DLGAP2: variants seen among roughly 807,000 people sequenced by gnomAD.
The protein encoded by DLGAP2 is DLG associated protein 2, also known as disks large-associated protein 2.
DLGAP2 carries 26 observed loss-of-function variants against 100.3 expected under a neutral mutation model. The observed-to-expected ratio is 0.26, with a 90% CI of 0.19 to 0.36. The LOEUF is 0.36. Among genes scored for constraint, DLGAP2 ranks in the 10% least tolerant of loss-of-function variants. The pLI, the probability that DLGAP2 is intolerant of heterozygous loss-of-function variation, is 1.00. For missense variants in DLGAP2, 1,858 were observed against 1,453.2 expected (o/e 1.28, Z -4.53); for synonymous variants, 886 against 630.1 (o/e 1.41, Z -6.08).
intron 3 of DLGAP2, among the ~76,000 whole-genome samples, chr8:1,359,544 T>G (rs150424763): frequency 6.6e-6 from 1 of 152,240 alleles, no homozygotes; most frequent in African/African-American, 2.4e-5. Flanking sequence ...CCCGAAGGCC[T>G]GGAGGGATTT....
At chr8:1,602,111 T>C (rs1796646745) in intron 6 of DLGAP2, among the ~76,000 whole-genome samples, 1 of 152,140 alleles carries the variant, frequency 6.6e-6, no homozygotes, top group Admixed American at 6.5e-5. Context: ...TTGTCAAATA[T>C]GTGAATGAGA....
At chr8:1,294,672 T>C (rs917777884) in intron 3 of DLGAP2, among the ~76,000 whole-genome samples, 2 of 152,150 alleles carry the variant, frequency 1.3e-5, no homozygotes, top group Admixed American at 1.3e-4. Flanking sequence ...AGCCATCCCA[T>C]TGAAATAATG....
chr8:1,113,877 A>G (rs187575374), intron 2 of DLGAP2, among the ~76,000 whole-genome samples: 101 of 152,216 alleles, frequency 6.6e-4, no homozygotes, highest in Non-Finnish European at 1.3e-3. Context: ...TTCCTTCAAT[A>G]CCTAGTATAT....
At chr8:1,119,874 C>T in intron 2 of DLGAP2, among the ~76,000 whole-genome samples, 1 of 152,112 alleles carries the variant, frequency 6.6e-6, no homozygotes, top group Non-Finnish European at 1.5e-5. Flanking sequence ...GGGTCCAGCA[C>T]CCTAGCTTAT....
chr8:946,720 G>A (rs577898466), intron 2 of DLGAP2, among the ~76,000 whole-genome samples: 1 of 152,196 alleles, frequency 6.6e-6, no homozygotes, highest in Non-Finnish European at 1.5e-5. Context: ...TTATCACTCT[G>A]AGTGTCAGGA....
intron 4 of DLGAP2, among the ~76,000 whole-genome samples, chr8:1,533,047 C>T (rs764735649): frequency 6.6e-6 from 1 of 150,510 alleles, no homozygotes; most frequent in Non-Finnish European, 1.5e-5. Flanking sequence ...AATCATAGGC[C>T]TGATTTATAG....
intron 2 of DLGAP2, among the ~76,000 whole-genome samples, chr8:1,204,552 G>A (rs1299476504): frequency 7.4e-5 from 11 of 148,940 alleles, no homozygotes; most frequent in Admixed American, 1.3e-4. Flanking sequence ...GTGTGTGTGT[G>A]TATATGTCTA....
intron 6 of DLGAP2, among the ~76,000 whole-genome samples, chr8:1,608,978 C>T (rs1796911493): frequency 6.6e-6 from 1 of 151,690 alleles, no homozygotes. Context: ...AGGATATTAT[C>T]CAGGAGAACT....
At chr8:1,187,004 C>G (rs771039842) in intron 2 of DLGAP2, among the ~76,000 whole-genome samples, 3 of 152,146 alleles carry the variant, frequency 2.0e-5, no homozygotes, top group Non-Finnish European at 4.4e-5. Context: ...AATCTAAGCC[C>G]GGCCTCAGTG....
intron 3 of DLGAP2, among the ~76,000 whole-genome samples, chr8:1,500,646 T>A (rs1799689851): frequency 6.6e-6 from 1 of 152,256 alleles, no homozygotes; most frequent in Non-Finnish European, 1.5e-5. Context: ...CTTGTCTGTC[T>A]CCCCAGTTCC....
intron 3 of DLGAP2, among the ~76,000 whole-genome samples, chr8:1,489,685 G>C (rs898878111): frequency 1.3e-5 from 2 of 152,162 alleles, no homozygotes; most frequent in Non-Finnish European, 2.9e-5. Context: ...AGAGCCCATC[G>C]CTGTGAGCAT....
chr8:1,191,328 G>T (rs551572745), intron 2 of DLGAP2, among the ~76,000 whole-genome samples: 1 of 151,806 alleles, frequency 6.6e-6, no homozygotes, highest in Non-Finnish European at 1.5e-5. Flanking sequence ...CCGCCACCAC[G>T]CCCGGCTAAT....
chr8:1,350,184 C>A (rs73170483), intron 3 of DLGAP2, among the ~76,000 whole-genome samples: 6 of 140,868 alleles, frequency 4.3e-5, no homozygotes, highest in East Asian at 2.5e-4. Flanking sequence ...GTGGAAAGGC[C>A]GCGCGGGTCC....
At chr8:901,900 A>G (rs529434844) in intron 1 of DLGAP2, among the ~76,000 whole-genome samples, 1 of 152,304 alleles carries the variant, frequency 6.6e-6, no homozygotes, top group African/African-American at 2.4e-5. Flanking sequence ...GCTTCGCTGG[A>G]CATCTGTGGC....
intron 3 of DLGAP2, among the ~76,000 whole-genome samples, chr8:1,409,472 G>C (rs1302093834): frequency 6.6e-6 from 1 of 152,198 alleles, no homozygotes; most frequent in Non-Finnish European, 1.5e-5. Flanking sequence ...ACTGATTTCA[G>C]AAATTCTCCA....
At chr8:1,099,336 G>A (rs1276432554) in intron 2 of DLGAP2, among the ~76,000 whole-genome samples, 1 of 152,200 alleles carries the variant, frequency 6.6e-6, no homozygotes, top group African/African-American at 2.4e-5. Context: ...GCGTAGAGAC[G>A]TGTGTCTCCG....
At chr8:1,165,308 A>G (rs2116662433) in intron 2 of DLGAP2, among the ~76,000 whole-genome samples, 2 of 152,032 alleles carry the variant, frequency 1.3e-5, no homozygotes, top group South Asian at 2.1e-4. Flanking sequence ...AGGGAGAGAG[A>G]GAGAGAGCAC....
At chr8:1,512,592 G>A (rs191369135) in intron 4 of DLGAP2, among the ~76,000 whole-genome samples, 2 of 151,962 alleles carry the variant, frequency 1.3e-5, no homozygotes, top group African/African-American at 4.8e-5. Flanking sequence ...CCGCAGCAGC[G>A]AAATGCCTGC....
intron 4 of DLGAP2, among the ~76,000 whole-genome samples, chr8:1,524,921 TC>T (rs1442699185): frequency 1.3e-5 from 2 of 152,100 alleles, no homozygotes; most frequent in African/African-American, 4.8e-5. Context: ...TGGCCATTTG[TC>T]CCCGGTTATT....
Sources: allele counts gnomAD v4.1 joint callset (sites outside exome capture counted in the v4.1 genomes callset), GRCh38; gene constraint gnomAD v4.1.1; transcripts MANE v1.5; gene names NCBI Gene and HGNC (gene_info 2026-07-23, HGNC 2026-07-21).